Variants in BCKDK observed in about 807,000 individuals in gnomAD.
The protein encoded by BCKDK is branched-chain alpha-ketoacid dehydrogenase kinase.
BCKDK carries 28 observed loss-of-function variants against 43.9 expected under a neutral mutation model. The observed-to-expected ratio is 0.64, with a 90% CI of 0.47 to 0.87. The LOEUF is 0.87. BCKDK is among the 40% of genes least tolerant of loss of function. The pLI, the probability that BCKDK is intolerant of heterozygous loss-of-function variation, is 0.00. For missense variants in BCKDK, 483 were observed against 581.4 expected (o/e 0.83, Z 1.74); for synonymous variants, 257 against 234.3 (o/e 1.10, Z -0.88).
In BCKDK at chr16:31,111,202, G is replaced by A; in HGVS notation, c.828G>A (p.Leu276=). The change falls in exon 9 of 12, where the codon CTG becomes CTA. Residue 276 remains leucine (L), a synonymous_variant. Coordinates refer to ENST00000219794, the MANE Select transcript of BCKDK (RefSeq NM_005881.4). The part of the protein sequence containing the change: ...PMPLDYILPE[L]LKNAMRATME... The stretch of plus-strand genomic sequence containing the variant: ...CACTGGACTACATCCTGCCGGAGCT[G>A]CTCAAGAATGCCATGAGGTGGGGTG... 6.2e-7 allele frequency: 1 copy of A among 1,614,184 alleles called. No individual in the cohort carries two copies. Among genetic ancestry groups the A allele is most frequent in the South Asian group, 1.1e-5 (1 of 91,088 alleles).
Position 31,109,527 on chromosome 16 carries a change from C to G in BCKDK, c.212C>G (p.Thr71Arg). ...AAAEKPSVRLTPTMMLYAGRS... is the reference protein window; with the variant it reads ...AAAEKPSVRLRPTMMLYAGRS... ...CCTCTCTAGCCCTCAGTCCGCCTAACGCCCACCATGATGCTCTACGCTGGC... is the reference window on the plus strand; with the variant it reads ...CCTCTCTAGCCCTCAGTCCGCCTAAGGCCCACCATGATGCTCTACGCTGGC... Residue 71 changes from threonine (T) to arginine (R), a missense_variant, in exon 3 of 12, where the codon ACG (threonine) becomes AGG (arginine). By Grantham distance (71) the Thr-to-Arg change is moderately conservative (BLOSUM62 -1). Coordinates refer to ENST00000219794, the MANE Select transcript of BCKDK (RefSeq NM_005881.4). The surrounding 1 kb of genome is among the most constrained non-coding windows in gnomAD (Gnocchi z 5.3). 1.9e-6 allele frequency: 3 copies of G among 1,614,148 alleles called. No homozygotes were observed.
downstream of BCKDK, chr16:31,115,833 CTG>C (rs911094161): frequency 7.9e-5 from 12 of 152,360 alleles, no homozygotes; most frequent in Admixed American, 2.6e-4. Flanking sequence ...TACCTCAACA[CTG>C]TATTTTCAAC....
At chr16:31,111,258 A>C in intron 9 of BCKDK, 39 bp downstream of exon 9, 1 of 1,614,120 alleles carries the variant, frequency 6.2e-7, no homozygotes, top group Non-Finnish European at 8.5e-7. Context: ...GGCGGACAGG[A>C]ACCGGGGTGC....
downstream of BCKDK, among the ~76,000 whole-genome samples, chr16:31,113,238 A>C (rs1051330915): frequency 3.3e-5 from 5 of 152,176 alleles, no homozygotes; most frequent in African/African-American, 4.8e-5. Flanking sequence ...TTCACATGTG[A>C]GCTCCCACAG....
downstream of BCKDK, among the ~76,000 whole-genome samples, chr16:31,116,762 C>T (rs2057448672): frequency 2.2e-5 from 2 of 92,728 alleles, no homozygotes; most frequent in African/African-American, 3.7e-5. Flanking sequence ...ACTAAAAATA[C>T]AAAAAATAGC....
Position 31,109,607 on chromosome 16 carries a change from G to A in BCKDK, c.264+28G>A, listed in dbSNP as rs925896516. 3 of 1,613,846 alleles carry A rather than the reference G, an allele frequency of 1.9e-6. No homozygotes were observed. Among genetic ancestry groups the A allele is most frequent in the Middle Eastern group, 1.6e-4 (1 of 6,062 alleles). ...AAGATTCACGCCCTCTATTTTCCTC[G>A]TGGATCCTGGAGCTCTCCCAGACAC... On this transcript the variant is annotated intron_variant, in intron 3 of 11. Coordinates refer to ENST00000219794, the MANE Select transcript of BCKDK (RefSeq NM_005881.4). The surrounding 1 kb of genome is among the most constrained non-coding windows in gnomAD (Gnocchi z 5.3).
In BCKDK at chr16:31,108,460, G is replaced by A. The variant is rs976632942; in HGVS notation, c.-197G>A. 8 of 152,242 alleles carry A rather than the reference G, an allele frequency of 5.3e-5. No homozygotes were observed. Among genetic ancestry groups the A allele is most frequent in the African/African-American group, 1.9e-4 (8 of 41,476 alleles). The allele number at this position is 152,242 out of a possible 1,614,324, so 9.4% of individuals were successfully genotyped here. A position where few individuals can be genotyped will look rare whatever the true frequency, so the allele number is the denominator to read the frequency against. On this transcript the variant is annotated 5_prime_UTR_variant, in exon 1 of 12. Transcript: ENST00000219794. This position sits in a 1 kb window ranked among gnomAD's most constrained non-coding sequence, Gnocchi z 6.2. ...TTCGAGCCCTTCCGCTGGGACCCGG[G>A]CCCTGGCTCCGGCCCCGCGGTAAGT...
chr16:31,110,543 G>A lies in BCKDK; in HGVS notation c.642+44G>A. 1 of 1,605,848 alleles carries A rather than the reference G, an allele frequency of 6.2e-7. No homozygotes were observed. The highest frequency in any genetic ancestry group is 8.5e-7 in the Non-Finnish European group (1 of 1,172,998). ...AGACCCACCTGGGAACATTAAGTGA[G>A]ACAGAGGAGACTGGGCTGGGGATCC... On this transcript the variant is annotated intron_variant, in intron 7 of 11. Transcript: ENST00000219794. This position sits in a 1 kb window ranked among gnomAD's most constrained non-coding sequence, Gnocchi z 5.4.
Position 31,110,463 on chromosome 16 carries a change from G to A in BCKDK, c.606G>A (p.Met202Ile). 6.2e-7 allele frequency: 1 copy of A among 1,613,938 alleles called. No individual in the cohort carries two copies. The highest frequency in any genetic ancestry group is 1.1e-5 in the South Asian group (1 of 91,084). The change falls in exon 7 of 12, where the codon ATG becomes ATA. Residue 202 changes from methionine (M) to isoleucine (I), a missense_variant. Met to Ile is a conservative substitution (Grantham distance 10). Coordinates refer to ENST00000219794, the MANE Select transcript of BCKDK (RefSeq NM_005881.4). The surrounding 1 kb of genome is among the most constrained non-coding windows in gnomAD (Gnocchi z 5.4). The part of the protein sequence containing the change: ...KTLTSRLGIR[M>I]LATHHLALHE... ...TGACTTCGAGGCTTGGAATCCGCAT[G>A]TTGGCCACGCATCACCTGGCGCTGC...
Position 31,110,649 on chromosome 16 carries a change from TA to T in BCKDK, c.643-38del, listed in dbSNP as rs2057403784. On this transcript the variant is annotated intron_variant, in intron 7 of 11. Coordinates refer to ENST00000219794, the MANE Select transcript of BCKDK (RefSeq NM_005881.4). This position sits in a 1 kb window ranked among gnomAD's most constrained non-coding sequence, Gnocchi z 5.4. Reference sequence around the variant, plus strand: ...AGTTGCCAGCATCTTGGGGTGGGGCTAGGGGCGTGGGTAGTCCTGACCTCCT... The same window carrying T: ...AGTTGCCAGCATCTTGGGGTGGGGCTGGGGCGTGGGTAGTCCTGACCTCCT... 1.2e-6 allele frequency: 2 copies of T among 1,608,242 alleles called. No individual in the cohort carries two copies. Among genetic ancestry groups the T allele is most frequent in the Non-Finnish European group, 8.5e-7 (1 of 1,174,902 alleles).
In BCKDK at chr16:31,112,496, C is replaced by G. The variant is rs1477860066; in HGVS notation, c.*231C>G. ...AGTGGGCACCCTGAGGCCTCCAGCA[C>G]CAGTTCCGTCATTCTCGTTCCTGGG... On this transcript the variant is annotated 3_prime_UTR_variant, in exon 12 of 12. Transcript: ENST00000219794. This position sits in a 1 kb window ranked among gnomAD's most constrained non-coding sequence, Gnocchi z 5.0. The G allele has an allele frequency of 4.6e-6, 3 of 652,526 alleles. No homozygotes were observed. The highest frequency in any genetic ancestry group is 1.8e-5 in the South Asian group (1 of 56,658). 40.4% of individuals were successfully genotyped at this position (652,526 alleles called of 1,614,324 possible). A position where few individuals can be genotyped will look rare whatever the true frequency, so the allele number is the denominator to read the frequency against.
At position 31,109,296 on chromosome 16, in the gene BCKDK, C is replaced by G; in HGVS notation, c.73C>G (p.Leu25Val). 1 of 1,604,760 alleles carries G rather than the reference C, an allele frequency of 6.2e-7. No homozygotes were observed. Among genetic ancestry groups the G allele is most frequent in the Non-Finnish European group, 8.5e-7 (1 of 1,175,606 alleles). Residue 25 changes from leucine to valine, a missense_variant, in exon 2 of 12, where the codon CTC (leucine) becomes GTC (valine). Physicochemically the swap from Leu to Val is conservative, Grantham distance 32. Transcript: ENST00000219794. This position sits in a 1 kb window ranked among gnomAD's most constrained non-coding sequence, Gnocchi z 5.3. ...GCTCCGGCCCCTCCTGGGACCCGCACTCGCGCTCCGGGCCCGCTCGACGTC... is the reference window on the plus strand; with the variant it reads ...GCTCCGGCCCCTCCTGGGACCCGCAGTCGCGCTCCGGGCCCGCTCGACGTC... ...LPLRPLLGPA[L>V]ALRARSTSAT... is the part of the protein sequence containing the mutation.
chr16:31,111,056 G>A, intron 8 of BCKDK, 35 bp from the exon 9 acceptor site: 11 of 1,610,536 alleles, frequency 6.8e-6, no homozygotes, highest in Non-Finnish European at 9.3e-6. Flanking sequence ...CACTGGTGGA[G>A]GGGCCCCTGA....
At position 31,110,168 on chromosome 16, in the gene BCKDK, C is replaced by T. The variant is rs369751792; in HGVS notation, c.424-37C>T. 7 of 1,614,016 alleles carry T rather than the reference C, an allele frequency of 4.3e-6. No homozygotes were observed. Among genetic ancestry groups the T allele is most frequent in the Non-Finnish European group, 5.1e-6 (6 of 1,180,026 alleles). On this transcript the variant is annotated intron_variant, in intron 5 of 11. Transcript: ENST00000219794. The surrounding 1 kb of genome is among the most constrained non-coding windows in gnomAD (Gnocchi z 5.4). ...CAGGGTGAGGGGCTGAGAGGTTGGG[C>T]TTGGACCACCCTTCCTCATGACTCT... is the stretch of plus-strand genomic sequence containing the variant.
Position 31,110,284 on chromosome 16 carries a change from T to G in BCKDK, c.503T>G (p.Leu168Arg). The G allele has an allele frequency of 6.2e-7, 1 of 1,613,924 alleles. No homozygotes were observed. Among genetic ancestry groups the G allele is most frequent in the South Asian group, 1.1e-5 (1 of 91,076 alleles). ...GATGACCACAAGGATGTGGTGACCC[T>G]CTTGGCAGAGGGCCTACGTGAGAGC... ...LLDDHKDVVT[L>R]LAEGLRESRK... Residue 168 changes from leucine to arginine, a missense_variant, in exon 6 of 12, where the codon CTC becomes CGC. Leu to Arg is a moderately radical substitution (Grantham distance 102, BLOSUM62 -2). Coordinates refer to ENST00000219794, the MANE Select transcript of BCKDK (RefSeq NM_005881.4). The surrounding 1 kb of genome is among the most constrained non-coding windows in gnomAD (Gnocchi z 5.4).
At chr16:31,117,534 G>A, downstream of BCKDK, 1 of 587,870 alleles carries the variant, frequency 1.7e-6, no homozygotes. Context: ...CAACTCGCGG[G>A]GCCGCGGGGA....
downstream of BCKDK, chr16:31,117,463 G>GAC: frequency 2.5e-6 from 1 of 401,172 alleles, no homozygotes; most frequent in East Asian, 3.6e-5. Context: ...TCACCCATAG[G>GAC]CTGCAGCCAC....
At position 31,109,845 on chromosome 16, in the gene BCKDK, G is replaced by A; in HGVS notation, c.375+62G>A. On this transcript the variant is annotated intron_variant, in intron 4 of 11. Coordinates refer to ENST00000219794, the MANE Select transcript of BCKDK (RefSeq NM_005881.4). This position sits in a 1 kb window ranked among gnomAD's most constrained non-coding sequence, Gnocchi z 5.3. ...TGCCCCGGGGGCAAGTGGGGAGTCTGGGGCCCAGAGTGGCAGACGATTGCT... is the reference window on the plus strand; with the variant it reads ...TGCCCCGGGGGCAAGTGGGGAGTCTAGGGCCCAGAGTGGCAGACGATTGCT... 2 of 1,552,276 alleles carry A rather than the reference G, an allele frequency of 1.3e-6. No individual in the cohort carries two copies. The highest frequency in any genetic ancestry group is 1.8e-6 in the Non-Finnish European group (2 of 1,126,062).
In BCKDK at chr16:31,111,865, C is replaced by G; in HGVS notation, c.936-4C>G. On this transcript the variant is annotated splice_polypyrimidine_tract_variant and splice_region_variant and intron_variant, in intron 10 of 11. Transcript: ENST00000219794. Reference sequence around the variant, plus strand: ...CAAGCCCATTGTTGTTGCCATCTTGCTAGGATCTCAGACCGTGGTGGAGGA... The same window carrying G: ...CAAGCCCATTGTTGTTGCCATCTTGGTAGGATCTCAGACCGTGGTGGAGGA... 4 of 1,613,948 alleles carry G rather than the reference C, an allele frequency of 2.5e-6. No homozygotes were observed. Among genetic ancestry groups the G allele is most frequent in the Non-Finnish European group, 3.4e-6 (4 of 1,179,914 alleles).
Sources: gnomAD v4.1 joint callset for allele counts (sites outside exome capture counted in the v4.1 genomes callset) on GRCh38, gnomAD v4.1.1 for gene constraint, Gnocchi (gnomAD v3.1) non-coding constraint, MANE v1.5 for transcripts, NCBI Gene and HGNC (gene_info 2026-07-23, HGNC 2026-07-21) for gene names.